The following POLK variants were observed in gnomAD, a reference collection of about 807,000 sequenced individuals.
POLK encodes the protein DNA polymerase kappa.
POLK carries 76 observed loss-of-function variants against 94.0 expected under a neutral mutation model. That is an observed-to-expected ratio of 0.81 (90% CI 0.67 to 0.98). The LOEUF (loss-of-function observed/expected upper bound fraction) is 0.98. Ranked by LOEUF, POLK falls within the 50% of genes least tolerant of loss-of-function variation. The pLI is 0.00. For synonymous variants in POLK, 349 were observed against 325.4 expected (o/e 1.07, Z -0.78); for missense variants, 954 against 1,010.1 (o/e 0.94, Z 0.75).
At chr5:75,546,962 T>A in intron 1 of POLK, 48 bp from the exon 2 acceptor site, 1 of 1,043,880 alleles carries the variant, frequency 9.6e-7, no homozygotes, top group Non-Finnish European at 1.4e-6. Flanking sequence ...CCACCACGCC[T>A]GGCCACAGAT....
At chr5:75,537,653 A>T (rs752273913) in intron 1 of POLK, among the ~76,000 whole-genome samples, 29 of 151,948 alleles carry the variant, frequency 1.9e-4, no homozygotes, top group Non-Finnish European at 4.1e-4. Context: ...GCTATAATCT[A>T]TTTGTTAGAA....
intron 1 of POLK, among the ~76,000 whole-genome samples, chr5:75,537,386 G>T (rs1409448177): frequency 6.6e-6 from 1 of 152,212 alleles, no homozygotes; most frequent in African/African-American, 2.4e-5. Flanking sequence ...TTGCGGTGTT[G>T]GTTAGGTTCT....
Position 75,511,860 on chromosome 5 carries a change from G to A in POLK, c.-68G>A, listed in dbSNP as rs370816842. 65 of 1,533,444 alleles carry A rather than the reference G, an allele frequency of 4.2e-5. No homozygotes were observed. The East Asian group carries it at 7.7e-4, about 18-fold the overall frequency. 95.0% of individuals were successfully genotyped at this position (1,533,444 alleles called of 1,614,324 possible). A position where few individuals can be genotyped will look rare whatever the true frequency, so the allele number is the denominator to read the frequency against. On this transcript the variant is annotated 5_prime_UTR_variant, in exon 1 of 15. Transcript: ENST00000241436. ...TGTGCTGCATTCTGGGAAGGGCGTT[G>A]GTCCGTCGCTCGCGCAGCCTCCTGG...
intron 1 of POLK, among the ~76,000 whole-genome samples, chr5:75,515,955 T>G (rs1768303278): frequency 6.6e-6 from 1 of 152,178 alleles, no homozygotes; most frequent in Admixed American, 6.5e-5. Context: ...CTCATTGTGG[T>G]TTTGATTTGC....
chr5:75,607,235 G>A, the POLK span, among the ~76,000 whole-genome samples: 2 of 152,232 alleles, frequency 1.3e-5, no homozygotes, highest in East Asian at 3.9e-4. Context: ...GGGAGGCCAA[G>A]GCGGGTGGAT....
intron 3 of POLK, among the ~76,000 whole-genome samples, chr5:75,555,422 A>G (rs1433889148): frequency 6.6e-6 from 1 of 151,838 alleles, no homozygotes; most frequent in Non-Finnish European, 1.5e-5. Flanking sequence ...TTTCAGACTG[A>G]TTGTTTTTAC....
intron 1 of POLK, among the ~76,000 whole-genome samples, chr5:75,526,571 T>A (rs945538833): frequency 6.7e-6 from 1 of 148,892 alleles, no homozygotes; most frequent in Non-Finnish European, 1.5e-5. Context: ...GGGTTTTTTT[T>A]TTGTTTTTTT....
chr5:75,581,291 T>C, exon 7 of POLK: 2 of 1,613,286 alleles, frequency 1.2e-6, no homozygotes, highest in African/African-American at 1.3e-5. Context: ...GTCCTTCTGA[T>C]GTGCAGCCCC....
At chr5:75,595,177 G>A (rs5744709) in intron 12 of POLK, among the ~76,000 whole-genome samples, 16,776 of 146,914 alleles carry the variant, frequency 0.11, 1,129 homozygotes, top group East Asian at 0.23. Flanking sequence ...GCTTGAACCC[G>A]GGAAGTTGCA....
At chr5:75,539,320 T>C (rs1354577095) in intron 1 of POLK, among the ~76,000 whole-genome samples, 7 of 152,094 alleles carry the variant, frequency 4.6e-5, no homozygotes, top group African/African-American at 1.7e-4. Flanking sequence ...AATTTTTTTG[T>C]TTCTGGTATT....
chr5:75,511,112 C>G (rs1172102395), upstream of POLK: 1 of 1,575,246 alleles, frequency 6.3e-7, no homozygotes, highest in Non-Finnish European at 8.6e-7. Flanking sequence ...GGTTGCTCAC[C>G]TTACTGAGGA....
At chr5:75,566,697 A>G (rs1469533692) in intron 3 of POLK, among the ~76,000 whole-genome samples, 2 of 151,982 alleles carry the variant, frequency 1.3e-5, no homozygotes, top group East Asian at 1.9e-4. Context: ...CGTGGCCTGC[A>G]CCCACTTTCT....
chr5:75,540,989 T>C (rs1239952665), intron 1 of POLK, among the ~76,000 whole-genome samples: 1 of 152,122 alleles, frequency 6.6e-6, no homozygotes, highest in African/African-American at 2.4e-5. Flanking sequence ...AAATAGAAAC[T>C]TAAAAACTTG....
intron 10 of POLK, among the ~76,000 whole-genome samples, chr5:75,589,599 C>T (rs1264059284): frequency 6.6e-6 from 1 of 151,866 alleles, no homozygotes; most frequent in Non-Finnish European, 1.5e-5. Flanking sequence ...TACAGGCGCC[C>T]GTATACGTGG....
chr5:75,512,583 G>C (rs886634601), intron 1 of POLK: 1 of 152,140 alleles, frequency 6.6e-6, no homozygotes, highest in African/African-American at 2.4e-5. Context: ...GCAATAGGAG[G>C]CTATTTTTGT....
At chr5:75,604,361 ATACCTGGTG>A (rs1773369149), downstream of POLK, among the ~76,000 whole-genome samples, 1 of 152,200 alleles carries the variant, frequency 6.6e-6, no homozygotes, top group Non-Finnish European at 1.5e-5. Flanking sequence ...TAAAAAAATC[ATACCTGGTG>A]TACCTGGTGC....
rs1233839803 is a variant in POLK at position 75,593,859 on chromosome 5, C to CTGTATACAATAAATAA, written c.1357-19_1357-18insTGTATACAATAAATAA. 5.0e-6 allele frequency: 7 copies of CTGTATACAATAAATAA among 1,408,828 alleles called. No homozygotes were observed. In the Admixed American group the frequency reaches 7.8e-5, roughly 16 times the overall value. The allele number at this position is 1,408,828 out of a possible 1,614,324, so 87.3% of individuals were successfully genotyped here. A position where few individuals can be genotyped will look rare whatever the true frequency, so the allele number is the denominator to read the frequency against. On this transcript the variant is annotated intron_variant, in intron 11 of 14. Coordinates refer to ENST00000241436, the Ensembl canonical transcript of POLK. ...CCCTGTCTCATAAATAAATAAATAACATATTGTATATGTTATAGGGTAGAA... is the reference window on the plus strand; with the variant it reads ...CCCTGTCTCATAAATAAATAAATAACTGTATACAATAAATAAATATTGTATATGTTATAGGGTAGAA...
chr5:75,543,028 T>A (rs1381549184), intron 1 of POLK, among the ~76,000 whole-genome samples: 1 of 145,354 alleles, frequency 6.9e-6, no homozygotes, highest in Non-Finnish European at 1.5e-5. Flanking sequence ...TTTATTTATT[T>A]ATTTATTTAT....
At chr5:75,547,209 C>G in intron 2 of POLK, 52 bp downstream of exon 2, 1 of 948,082 alleles carries the variant, frequency 1.1e-6, no homozygotes, top group South Asian at 3.1e-5. Context: ...TTTTAACTTT[C>G]TGTTTCAAAG....
Sources: allele counts gnomAD v4.1 joint callset (sites outside exome capture counted in the v4.1 genomes callset), GRCh38; gene constraint gnomAD v4.1.1; transcripts MANE v1.5; gene names NCBI Gene and HGNC (gene_info 2026-07-23, HGNC 2026-07-21).